PHACTR1: variants seen among roughly 807,000 people sequenced by gnomAD.
PHACTR1 encodes RPEL repeat containing 1.
In PHACTR1, 16 loss-of-function variants were observed where a neutral mutation model predicts 69.2. That is an observed-to-expected ratio of 0.23 (90% CI 0.16 to 0.35). PHACTR1 has a LOEUF of 0.35. PHACTR1 is among the 10% of genes least tolerant of loss of function. The pLI, the probability that PHACTR1 is intolerant of heterozygous loss-of-function variation, is 1.00. For missense variants in PHACTR1, 510 were observed against 734.7 expected (o/e 0.69, Z 3.54); for synonymous variants, 312 against 284.5 (o/e 1.10, Z -0.97).
chr6:12,758,875 C>T (rs978101170), intron 4 of PHACTR1, among the ~76,000 whole-genome samples: 11 of 152,016 alleles, frequency 7.2e-5, no homozygotes, highest in African/African-American at 2.7e-4. Context: ...GTGATCCTTG[C>T]GTTTTGGGAG....
intron 7 of PHACTR1, among the ~76,000 whole-genome samples, chr6:13,188,992 C>T (rs1047064890): frequency 6.6e-6 from 1 of 152,258 alleles, no homozygotes; most frequent in East Asian, 1.9e-4. Context: ...TCCTGCCTCT[C>T]TAAGTCATCA....
chr6:13,076,932 T>C (rs906020458), intron 5 of PHACTR1, among the ~76,000 whole-genome samples: 3 of 103,092 alleles, frequency 2.9e-5, no homozygotes, highest in African/African-American at 3.9e-5. Flanking sequence ...TATCACACTC[T>C]GGGGACTGCG....
intron 6 of PHACTR1, among the ~76,000 whole-genome samples, chr6:13,163,813 A>C (rs975084150): frequency 3.3e-5 from 5 of 152,108 alleles, no homozygotes; most frequent in African/African-American, 1.2e-4. Context: ...TGTTGTGATG[A>C]GGATTACAGG....
chr6:12,837,605 G>A (rs578048005), intron 4 of PHACTR1, among the ~76,000 whole-genome samples: 1 of 151,602 alleles, frequency 6.6e-6, no homozygotes, highest in Admixed American at 6.6e-5. Flanking sequence ...TTACCTAAAT[G>A]AGACAAACAA....
At chr6:13,181,051 G>T (rs1762115110) in intron 6 of PHACTR1, among the ~76,000 whole-genome samples, 2 of 151,962 alleles carry the variant, frequency 1.3e-5, no homozygotes, top group Admixed American at 6.6e-5. Context: ...CGCTTCAGAT[G>T]ATTTTTTTTT....
intron 4 of PHACTR1, among the ~76,000 whole-genome samples, chr6:12,824,074 C>T (rs1308758914): frequency 6.6e-6 from 1 of 152,158 alleles, no homozygotes; most frequent in African/African-American, 2.4e-5. Context: ...TGTTCACAGC[C>T]GCTCCCCATC....
intron 4 of PHACTR1, among the ~76,000 whole-genome samples, chr6:12,953,596 G>A (rs1791540896): frequency 6.6e-6 from 1 of 152,202 alleles, no homozygotes; most frequent in African/African-American, 2.4e-5. Context: ...CTGGCTGAAA[G>A]AATGAAACTG....
intron 12 of PHACTR1, chr6:13,279,438 G>A (rs947174013): frequency 1.3e-5 from 2 of 152,180 alleles, no homozygotes; most frequent in African/African-American, 4.8e-5. Flanking sequence ...CTACAGTTAA[G>A]AGGCCCATTA....
At chr6:12,750,829 C>T (rs1766532997) in intron 4 of PHACTR1, among the ~76,000 whole-genome samples, 1 of 152,230 alleles carries the variant, frequency 6.6e-6, no homozygotes, top group Admixed American at 6.5e-5. Context: ...GTTTTCTCTT[C>T]CTGTCCAAGG....
At chr6:12,996,235 G>A (rs1291353383) in intron 4 of PHACTR1, among the ~76,000 whole-genome samples, 1 of 151,972 alleles carries the variant, frequency 6.6e-6, no homozygotes, top group African/African-American at 2.4e-5. Flanking sequence ...GAAATTCATG[G>A]AAAGAAAATC....
At chr6:13,047,731 C>T (rs568993094) in intron 4 of PHACTR1, among the ~76,000 whole-genome samples, 1 of 152,276 alleles carries the variant, frequency 6.6e-6, no homozygotes, top group South Asian at 2.1e-4. Flanking sequence ...ATGGCACAGA[C>T]ACCATGCTTC....
At chr6:13,207,284 A>G (rs540731935) in intron 8 of PHACTR1, among the ~76,000 whole-genome samples, 9 of 152,240 alleles carry the variant, frequency 5.9e-5, no homozygotes, top group African/African-American at 2.2e-4. Flanking sequence ...ATAAGAAAAG[A>G]TGAGGACTGG....
At chr6:12,830,113 G>T (rs1777324116) in intron 4 of PHACTR1, among the ~76,000 whole-genome samples, 1 of 43,754 alleles carries the variant, frequency 2.3e-5, no homozygotes, top group East Asian at 2.7e-3. Context: ...AAGAAAGAAA[G>T]AAAGAAAGAA....
chr6:13,136,690 T>C (rs943552822), intron 5 of PHACTR1, among the ~76,000 whole-genome samples: 1 of 152,220 alleles, frequency 6.6e-6, no homozygotes, highest in African/African-American at 2.4e-5. Flanking sequence ...ACTCCTCCTT[T>C]CACTTGAGCA....
At chr6:13,064,653 C>T (rs370206656) in intron 5 of PHACTR1, among the ~76,000 whole-genome samples, 8 of 124,522 alleles carry the variant, frequency 6.4e-5, no homozygotes, top group African/African-American at 2.5e-4. Flanking sequence ...GGATTCACCA[C>T]CAGACCGGGA....
intron 10 of PHACTR1, among the ~76,000 whole-genome samples, chr6:13,251,543 CATGT>C (rs1280229155): frequency 2.6e-5 from 4 of 152,068 alleles, no homozygotes; most frequent in Admixed American, 6.5e-5. Flanking sequence ...ATTCATGGTG[CATGT>C]GTGTGTTGAG....
At chr6:12,786,041 A>G (rs911012878) in intron 4 of PHACTR1, among the ~76,000 whole-genome samples, 2 of 152,210 alleles carry the variant, frequency 1.3e-5, no homozygotes, top group African/African-American at 4.8e-5. Context: ...CTTCTTCCCC[A>G]TGCGTTTTCT....
At chr6:13,050,027 C>T (rs1012437675) in intron 4 of PHACTR1, among the ~76,000 whole-genome samples, 1 of 152,164 alleles carries the variant, frequency 6.6e-6, no homozygotes, top group African/African-American at 2.4e-5. Flanking sequence ...GAGGAAGTGA[C>T]CTGTGAGAAT....
At chr6:13,226,290 G>C (rs1048982432) in intron 8 of PHACTR1, among the ~76,000 whole-genome samples, 126 of 152,166 alleles carry the variant, frequency 8.3e-4, no homozygotes, top group African/African-American at 2.8e-3. Flanking sequence ...AAGGAAGGAA[G>C]TTAATTGAAT....
Sources: allele counts gnomAD v4.1 joint callset (sites outside exome capture counted in the v4.1 genomes callset), GRCh38; gene constraint gnomAD v4.1.1; transcripts MANE v1.5; gene names NCBI Gene and HGNC (gene_info 2026-07-23, HGNC 2026-07-21).